Variants in RGS12 observed in about 807,000 individuals in gnomAD.
The protein encoded by RGS12 is regulator of G-protein signaling 12.
RGS12 carries 66 observed loss-of-function variants against 120.1 expected under a neutral mutation model. The observed-to-expected ratio is 0.55, with a 90% CI of 0.45 to 0.67. RGS12 has a LOEUF of 0.67. RGS12 is among the 30% of genes least tolerant of loss of function. The probability of loss-of-function intolerance (pLI) is 0.00; values close to 1 mark genes in which losing one functional copy is unlikely to be tolerated. For missense variants in RGS12, 1,859 were observed against 1,957.7 expected (o/e 0.95, Z 0.95); for synonymous variants, 827 against 804.7 (o/e 1.03, Z -0.47).
At chr4:3,391,631 CGAA>C (rs1719510848) in intron 4 of RGS12, among the ~76,000 whole-genome samples, 1 of 152,182 alleles carries the variant, frequency 6.6e-6, no homozygotes, top group Non-Finnish European at 1.5e-5. Context: ...ATAAAACAAA[CGAA>C]GAACTCCTCT....
Position 3,316,814 on chromosome 4 carries a change from G to A in RGS12, c.644G>A (p.Ser215Asn). 1 of 1,614,192 alleles carries A rather than the reference G, an allele frequency of 6.2e-7. No individual in the cohort carries two copies. Among genetic ancestry groups the A allele is most frequent in the Non-Finnish European group, 8.5e-7 (1 of 1,180,002 alleles). ...DDSVFSIGLE[S>N]HDDFALDASI... The stretch of plus-strand genomic sequence containing the variant: ...TCGGTTTTCAGCATTGGACTAGAAA[G>A]TCATGACGATTTTGCATTGGATGCA... Residue 215 changes from serine to asparagine, a missense_variant, in exon 2 of 18, where the codon AGT (serine) becomes AAT (asparagine). Around this residue, in one of 3 missense-constraint regions of RGS12, gnomAD observed 967 missense variants for 994.2 expected, o/e 0.97. Coordinates refer to ENST00000336727, the MANE Select transcript of RGS12 (RefSeq NM_001394154.1).
At chr4:3,347,183 G>A (rs1352185163) in intron 3 of RGS12, among the ~76,000 whole-genome samples, 3 of 152,150 alleles carry the variant, frequency 2.0e-5, no homozygotes, top group African/African-American at 4.8e-5. Context: ...GGTGGCTCAC[G>A]CCTATAATCC....
chr4:3,332,102 G>A (rs1560092068), intron 2 of RGS12, among the ~76,000 whole-genome samples: 2 of 152,202 alleles, frequency 1.3e-5, no homozygotes, highest in African/African-American at 2.4e-5. Context: ...GATGGCTTGG[G>A]GGCCATGGAG....
At chr4:3,311,519 G>A (rs1383718075) in intron 1 of RGS12, among the ~76,000 whole-genome samples, 3 of 152,140 alleles carry the variant, frequency 2.0e-5, no homozygotes, top group African/African-American at 4.8e-5. Context: ...GTGACAGTGC[G>A]GGTTGAGCAT....
At chr4:3,362,510 ATCAGTGTG>A (rs1715704565) in intron 3 of RGS12, among the ~76,000 whole-genome samples, 1 of 74,540 alleles carries the variant, frequency 1.3e-5, no homozygotes, top group African/African-American at 5.4e-5. Context: ...GGGTGCGAGG[ATCAGTGTG>A]TGTGAGGGTG....
chr4:3,360,245 C>T (rs1432493880), intron 3 of RGS12, among the ~76,000 whole-genome samples: 1 of 152,072 alleles, frequency 6.6e-6, no homozygotes, highest in Non-Finnish European at 1.5e-5. Flanking sequence ...TAATTTGAGT[C>T]TTCTCTTTTT....
intron 17 of RGS12, among the ~76,000 whole-genome samples, chr4:3,438,401 C>T (rs1052116415): frequency 6.0e-5 from 9 of 151,032 alleles, no homozygotes; most frequent in Non-Finnish European, 1.3e-4. Flanking sequence ...GGGTCGGCAA[C>T]GTCACCCCCA....
intron 3 of RGS12, among the ~76,000 whole-genome samples, chr4:3,371,401 C>T (rs1250398752): frequency 6.6e-6 from 1 of 152,144 alleles, no homozygotes; most frequent in Non-Finnish European, 1.5e-5. Flanking sequence ...AATCAGTTAG[C>T]CATTTGTACT....
intron 3 of RGS12, among the ~76,000 whole-genome samples, chr4:3,361,007 T>C (rs1406509718): frequency 6.6e-6 from 1 of 152,224 alleles, no homozygotes; most frequent in Admixed American, 6.5e-5. Context: ...ATAAGATCCC[T>C]ACACGGAAGC....
At position 3,317,962 on chromosome 4, in the gene RGS12, C is replaced by T; in HGVS notation, c.1792C>T (p.Pro598Ser). ...GSFAQPPLNA[P>S]KREWSRKAFG... ...CTTCGCGCAGCCCCCGCTGAATGCCCCGAAGAGGGAGTGGTCCAGGAAGGC... is the reference window on the plus strand; with the variant it reads ...CTTCGCGCAGCCCCCGCTGAATGCCTCGAAGAGGGAGTGGTCCAGGAAGGC... The change falls in exon 2 of 18, where the codon CCG (proline) becomes TCG (serine). Residue 598 changes from proline to serine, a missense_variant. Transcript: ENST00000336727. 6.2e-7 allele frequency: 1 copy of T among 1,613,744 alleles called. No homozygotes were observed. The highest frequency in any genetic ancestry group is 1.3e-5 in the African/African-American group (1 of 74,954).
At chr4:3,402,216 T>C (rs960039871) in intron 4 of RGS12, among the ~76,000 whole-genome samples, 4 of 152,258 alleles carry the variant, frequency 2.6e-5, no homozygotes, top group Non-Finnish European at 4.4e-5. Flanking sequence ...TTATATTTAT[T>C]ATTAAAATTA....
intron 1 of RGS12, among the ~76,000 whole-genome samples, chr4:3,302,142 G>C (rs527993615): frequency 1.3e-5 from 2 of 152,342 alleles, no homozygotes; most frequent in East Asian, 3.9e-4. Context: ...TTGACCTTCA[G>C]TGTTCCAAAG....
chr4:3,388,645 C>T (rs925133417), intron 4 of RGS12, among the ~76,000 whole-genome samples: 2 of 152,184 alleles, frequency 1.3e-5, no homozygotes, highest in Non-Finnish European at 2.9e-5. Context: ...CGCTCCAGCC[C>T]TGGACCCTCC....
intron 3 of RGS12, among the ~76,000 whole-genome samples, chr4:3,357,296 C>T (rs558016851): frequency 1.3e-5 from 2 of 152,204 alleles, no homozygotes; most frequent in South Asian, 4.1e-4. Context: ...ATATCAGATA[C>T]GTGATTTGCA....
At chr4:3,415,039 G>A (rs1360295755) in intron 6 of RGS12, among the ~76,000 whole-genome samples, 195 bp downstream of exon 6, 3 of 131,128 alleles carry the variant, frequency 2.3e-5, no homozygotes, top group Non-Finnish European at 5.2e-5. Flanking sequence ...TGAGAGGGAC[G>A]TGTGAGAGGG....
chr4:3,416,265 G>A (rs1722388560), intron 7 of RGS12, 144 bp downstream of exon 7: 1 of 947,920 alleles, frequency 1.1e-6, no homozygotes, highest in Non-Finnish European at 1.6e-6. Context: ...ACAGAAAGTG[G>A]GGCTTTCAGT....
intron 6 of RGS12, among the ~76,000 whole-genome samples, 156 bp downstream of exon 6, chr4:3,415,000 G>A (rs544750350): frequency 6.8e-6 from 1 of 148,012 alleles, no homozygotes; most frequent in Non-Finnish European, 1.5e-5. Flanking sequence ...TGTGAGGGGC[G>A]TGTGAGGGGC....
At chr4:3,361,245 C>G (rs1283322551) in intron 3 of RGS12, among the ~76,000 whole-genome samples, 2 of 152,164 alleles carry the variant, frequency 1.3e-5, no homozygotes, top group Non-Finnish European at 2.9e-5. Flanking sequence ...ACATGCTTCA[C>G]TGGTAGCACC....
chr4:3,370,386 C>T (rs1716845051), intron 3 of RGS12: 2 of 1,502,410 alleles, frequency 1.3e-6, no homozygotes, highest in Admixed American at 3.4e-5. Context: ...CCCTGGCTAT[C>T]CTGTTTTAGC....
Sources: gnomAD v4.1 joint callset for allele counts (sites outside exome capture counted in the v4.1 genomes callset) on GRCh38, gnomAD v4.1.1 for gene constraint, gnomAD v4.1.1 regional missense constraint, MANE v1.5 for transcripts, NCBI Gene and HGNC (gene_info 2026-07-23, HGNC 2026-07-21) for gene names.